Variants in PRKCE observed in about 807,000 individuals in gnomAD.
PRKCE encodes the protein protein kinase C epsilon type.
A neutral mutation model predicts 85.4 loss-of-function variants in PRKCE; 16 were observed. That is an observed-to-expected ratio of 0.19 (90% CI 0.13 to 0.28). The LOEUF (loss-of-function observed/expected upper bound fraction) is 0.28, where lower values mean the gene tolerates loss of function less well. Ranked by LOEUF, PRKCE falls within the 10% of genes least tolerant of loss-of-function variation. PRKCE has a pLI of 1.00. For missense variants in PRKCE, 573 were observed against 975.2 expected (o/e 0.59, Z 5.49); for synonymous variants, 388 against 371.5 (o/e 1.04, Z -0.51).
chr2:46,053,791 A>C (rs1480256331), intron 10 of PRKCE, among the ~76,000 whole-genome samples: 1 of 152,016 alleles, frequency 6.6e-6, no homozygotes, highest in Non-Finnish European at 1.5e-5. Context: ...TTGCTTCTGC[A>C]TTTTTGCAAT....
At chr2:45,787,671 A>G (rs1236536588) in intron 1 of PRKCE, among the ~76,000 whole-genome samples, 1 of 152,078 alleles carries the variant, frequency 6.6e-6, no homozygotes, top group Non-Finnish European at 1.5e-5. Context: ...TCATCTGGAG[A>G]GGGGAAAGAT....
chr2:45,691,805 C>A (rs534170718), intron 1 of PRKCE, among the ~76,000 whole-genome samples: 4 of 152,174 alleles, frequency 2.6e-5, no homozygotes, highest in East Asian at 1.9e-4. Flanking sequence ...GGCACTCTTT[C>A]CTGTAGCGGA....
intron 6 of PRKCE, among the ~76,000 whole-genome samples, chr2:45,985,164 A>T (rs1199004644): frequency 1.3e-5 from 2 of 152,150 alleles, no homozygotes; most frequent in African/African-American, 2.4e-5. Context: ...CATAGGGGAT[A>T]TTATTCCCAT....
chr2:46,010,312 A>C (rs767258522), intron 9 of PRKCE, 32 bp from the exon 10 acceptor site: 2 of 1,570,620 alleles, frequency 1.3e-6, no homozygotes, highest in Non-Finnish European at 1.7e-6. Context: ...CCATACATGC[A>C]TAGATTGATG....
At chr2:45,963,107 C>T (rs879844104) in intron 2 of PRKCE, among the ~76,000 whole-genome samples, 23 of 152,016 alleles carry the variant, frequency 1.5e-4, no homozygotes, top group African/African-American at 2.2e-4. Context: ...AGTGCCCTGC[C>T]GTGGGGACTA....
At chr2:46,009,729 G>T (rs1705500643) in intron 9 of PRKCE, among the ~76,000 whole-genome samples, 1 of 152,186 alleles carries the variant, frequency 6.6e-6, no homozygotes, top group South Asian at 2.1e-4. Flanking sequence ...AATACTTAAT[G>T]ATTAGATATA....
At chr2:45,728,827 C>G (rs1328917151) in intron 1 of PRKCE, among the ~76,000 whole-genome samples, 2 of 152,132 alleles carry the variant, frequency 1.3e-5, no homozygotes, top group African/African-American at 4.8e-5. Flanking sequence ...AAGGTATGAC[C>G]ATCATCTCTC....
intron 1 of PRKCE, among the ~76,000 whole-genome samples, chr2:45,744,435 TTCTTTCTTTCTTTC>T (rs1185632693): frequency 2.0e-4 from 9 of 44,312 alleles, no homozygotes; most frequent in African/African-American, 5.7e-4. Context: ...CTTTCTTTCT[TTCTTTCTTTCTTTC>T]TTTCTTTCTT....
chr2:45,793,276 A>G (rs998630691), intron 1 of PRKCE, among the ~76,000 whole-genome samples: 2 of 152,160 alleles, frequency 1.3e-5, no homozygotes, highest in African/African-American at 4.8e-5. Context: ...CAATCCCCCA[A>G]TTTCTCCATC....
chr2:45,789,672 C>T (rs1029192815), intron 1 of PRKCE, among the ~76,000 whole-genome samples: 1 of 152,162 alleles, frequency 6.6e-6, no homozygotes, highest in Non-Finnish European at 1.5e-5. Context: ...TCTCAACCCT[C>T]AGCCCTGGCT....
chr2:45,830,100 G>A (rs1019766282), intron 1 of PRKCE, among the ~76,000 whole-genome samples: 14 of 149,190 alleles, frequency 9.4e-5, no homozygotes, highest in African/African-American at 3.2e-4. Context: ...AAAAAAAATT[G>A]GAAGGCTCTT....
intron 2 of PRKCE, among the ~76,000 whole-genome samples, chr2:45,903,782 A>G (rs1465198378): frequency 6.6e-6 from 1 of 152,170 alleles, no homozygotes; most frequent in Non-Finnish European, 1.5e-5. Context: ...CTTCTTGGAA[A>G]TGGGTTAATA....
At chr2:45,860,571 G>A (rs1273733646) in intron 2 of PRKCE, among the ~76,000 whole-genome samples, 2 of 152,134 alleles carry the variant, frequency 1.3e-5, no homozygotes, top group Non-Finnish European at 2.9e-5. Flanking sequence ...CTTTTGCTTT[G>A]TTACTATAGG....
rs77293175 is a variant in PRKCE at position 45,714,512 on chromosome 2, G to C, written c.348+62064G>C. On this transcript the variant is annotated intron_variant, in intron 1 of 14. Transcript: ENST00000306156. Reference sequence around the variant, plus strand: ...ACAGACACATCTCAGGATACAGAATGGCTCTTTAAATGAAACACATTCAGC... The same window carrying C: ...ACAGACACATCTCAGGATACAGAATCGCTCTTTAAATGAAACACATTCAGC... Among the ~76,000 whole-genome samples the C allele has an allele frequency of 2.7e-3, 408 of 152,352 alleles. 4 individuals carry two copies. Among genetic ancestry groups the C allele is most frequent in the East Asian group, 8.7e-3 (45 of 5,188 alleles).
At chr2:45,807,980 C>A (rs1688369174) in intron 1 of PRKCE, among the ~76,000 whole-genome samples, 1 of 152,036 alleles carries the variant, frequency 6.6e-6, no homozygotes, top group Admixed American at 6.6e-5. Flanking sequence ...GCTGTGCCAC[C>A]CCCTGCATCT....
At chr2:45,825,316 T>C (rs1012858219) in intron 1 of PRKCE, among the ~76,000 whole-genome samples, 1 of 152,128 alleles carries the variant, frequency 6.6e-6, no homozygotes, top group Non-Finnish European at 1.5e-5. Context: ...GCCTGGGACT[T>C]GGGGGGGCCC....
chr2:46,097,876 GA>G (rs1670860633), intron 11 of PRKCE, among the ~76,000 whole-genome samples: 1 of 152,186 alleles, frequency 6.6e-6, no homozygotes. Flanking sequence ...GTTGGGGGGT[GA>G]AAGCATTGTG....
intron 10 of PRKCE, among the ~76,000 whole-genome samples, chr2:46,011,593 T>A (rs1437269914): frequency 6.6e-6 from 1 of 152,174 alleles, no homozygotes; most frequent in Non-Finnish European, 1.5e-5. Flanking sequence ...TGAGCAGCTG[T>A]AAGAAGAAAG....
chr2:45,999,804 C>G (rs1704521136), intron 6 of PRKCE, among the ~76,000 whole-genome samples: 1 of 151,950 alleles, frequency 6.6e-6, no homozygotes, highest in African/African-American at 2.4e-5. Flanking sequence ...AGTCTTTGTT[C>G]TCTTTATTTT....
Sources: gnomAD v4.1 joint callset for allele counts (sites outside exome capture counted in the v4.1 genomes callset) on GRCh38, gnomAD v4.1.1 for gene constraint, MANE v1.5 for transcripts, NCBI Gene and HGNC (gene_info 2026-07-23, HGNC 2026-07-21) for gene names.